The following ADCY6 variants were observed in gnomAD, a reference collection of about 807,000 sequenced individuals.
ADCY6 encodes the protein adenylate cyclase 6, also known as adenylate cyclase type 6.
ADCY6 carries 59 observed loss-of-function variants against 111.6 expected under a neutral mutation model. That is an observed-to-expected ratio of 0.53 (90% CI 0.43 to 0.66). The LOEUF is 0.66. Ranked by LOEUF, ADCY6 falls within the 30% of genes least tolerant of loss-of-function variation. ADCY6 has a pLI of 0.00. For missense variants in ADCY6, 1,242 were observed against 1,595.6 expected, an observed-to-expected ratio of 0.78 and a Z score of 3.78; for synonymous variants, 576 against 642.9, an observed-to-expected ratio of 0.90 and a Z score of 1.57.
upstream of ADCY6, chr12:48,789,461 C>T (rs1286236305): frequency 4.6e-5 from 7 of 152,170 alleles, no homozygotes; most frequent in Non-Finnish European, 1.0e-4. Context: ...CAAACCCACC[C>T]CTCACGGCTA....
chr12:48,783,195 C>T lies in ADCY6; in HGVS notation c.240G>A (p.Lys80=). The T allele has an allele frequency of 6.2e-7, 1 of 1,607,072 alleles. No individual in the cohort carries two copies. Among genetic ancestry groups the T allele is most frequent in the Non-Finnish European group, 8.5e-7 (1 of 1,179,694 alleles). The part of the protein sequence containing the change: ...FIRRGGPGKG[K]ELGLRAVALG... ...GGGCCACTGCCCGCAGCCCCAGCTC[C>T]TTGCCCTTGCCTGGGCCGCCCCTCC... The change falls in exon 2 of 22, where the codon AAG becomes AAA. Residue 80 remains lysine (K), a synonymous_variant. Transcript: ENST00000357869.
intron 2 of ADCY6, among the ~76,000 whole-genome samples, chr12:48,780,035 A>G (rs995233303): frequency 1.3e-5 from 2 of 152,044 alleles, no homozygotes; most frequent in Non-Finnish European, 2.9e-5. Flanking sequence ...GGGGCACACT[A>G]TCTCCCTTGG....
rs1433694377 is a variant in ADCY6, at chr12:48,778,110, G to A, written c.1012C>T (p.Gln338Ter). 6.2e-7 allele frequency: 1 copy of A among 1,607,592 alleles called. No homozygotes were observed. The highest frequency in any genetic ancestry group is 1.1e-5 in the South Asian group (1 of 90,170). ...RLHLQHENRQQERLLLSVLPQ... is the reference protein window; with the variant it reads ...RLHLQHENRQ ...CTGGTCACGGGGAGCAGCCCCACCT[G>A]CTGCCGATTCTCATGCTGCAGGTGG... The change falls in exon 3 of 22, where the codon CAG becomes TAG. Residue 338 changes from glutamine to a stop codon, truncating the protein, a stop_gained and splice_region_variant. Transcript: ENST00000357869. LOFTEE classifies it high-confidence loss of function.
At chr12:48,787,661 C>T (rs1271001702) in intron 1 of ADCY6, among the ~76,000 whole-genome samples, 3 of 152,230 alleles carry the variant, frequency 2.0e-5, no homozygotes, top group Non-Finnish European at 4.4e-5. Context: ...GGAGCACAGA[C>T]CACCTCCCTC....
intron 12 of ADCY6, 41 bp downstream of exon 12, chr12:48,774,913 AGTG>A (rs1941653197): frequency 1.3e-6 from 2 of 1,530,844 alleles, no homozygotes; most frequent in Admixed American, 2.0e-5. Context: ...GCTTCTGGGA[AGTG>A]GTGAAGAGAG....
At chr12:48,770,745 C>A in intron 20 of ADCY6, 21 bp downstream of exon 20, 1 of 1,609,404 alleles carries the variant, frequency 6.2e-7, no homozygotes, top group Non-Finnish European at 8.5e-7. Flanking sequence ...GAAAACCCGC[C>A]AAGCAACAAA....
At position 48,789,047 on chromosome 12, in the gene ADCY6, C is replaced by G. The variant is rs1425782436; in HGVS notation, c.-146G>C. The G allele has an allele frequency of 6.7e-6, 1 of 149,908 alleles. No individual in the cohort carries two copies. Among genetic ancestry groups the G allele is most frequent in the African/African-American group, 2.5e-5 (1 of 40,442 alleles). The allele number at this position is 149,908 out of a possible 1,614,324, so 9.3% of individuals were successfully genotyped here. A position where few individuals can be genotyped will look rare whatever the true frequency, so the allele number is the denominator to read the frequency against. ...CGCCGTCCGCCGTCCGCCGTCCGCCCGGCCCTCGCCCCCTCCCGAGCTGTC... is the reference window on the plus strand; with the variant it reads ...CGCCGTCCGCCGTCCGCCGTCCGCCGGGCCCTCGCCCCCTCCCGAGCTGTC... On this transcript the variant is annotated 5_prime_UTR_variant, in exon 1 of 22. Transcript: ENST00000357869.
chr12:48,783,295 A>G lies in ADCY6; in HGVS notation c.140T>C (p.Leu47Pro), dbSNP rs1565651834. 2 of 1,613,014 alleles carry G rather than the reference A, an allele frequency of 1.2e-6. No individual in the cohort carries two copies. The highest frequency in any genetic ancestry group is 3.3e-5 in the Admixed American group (2 of 59,946). ...GGGGCTGGGTGGCTCTGCATCCCGGAGGCAGCTCATATAGCGGGGCGTGCA... is the reference window on the plus strand; with the variant it reads ...GGGGCTGGGTGGCTCTGCATCCCGGGGGCAGCTCATATAGCGGGGCGTGCA... The part of the protein sequence containing the change: ...GFCTPRYMSC[L>P]RDAEPPSPTP... Residue 47 changes from leucine to proline, a missense_variant, in exon 2 of 22, where the codon CTC (leucine) becomes CCC (proline). Around this residue, in one of 4 missense-constraint regions of ADCY6, gnomAD observed 362 missense variants for 377.2 expected, o/e 0.96. Transcript: ENST00000357869.
At chr12:48,775,819 G>C in intron 9 of ADCY6, 121 bp from the exon 10 acceptor site, 1 of 1,510,388 alleles carries the variant, frequency 6.6e-7, no homozygotes, top group South Asian at 1.2e-5. Flanking sequence ...GGGGGCACTG[G>C]GACCCGAGAT....
Position 48,771,084 on chromosome 12 carries a change from GC to G in ADCY6, c.3052-115del, listed in dbSNP as rs1385961344. On this transcript the variant is annotated intron_variant, in intron 19 of 21. Coordinates refer to ENST00000357869, the MANE Select transcript of ADCY6 (RefSeq NM_015270.5). This position sits in a 1 kb window ranked among gnomAD's most constrained non-coding sequence, Gnocchi z 4.3. ...CCTTCCCCACTTCCCTGTCTCAAGA[GC>G]CCCCTTCCAGCTGCTGCTATCAGTG... The G allele has an allele frequency of 1.3e-5, 14 of 1,047,862 alleles. No homozygotes were observed. The highest frequency in any genetic ancestry group is 1.9e-5 in the Non-Finnish European group (14 of 718,206). 64.9% of individuals were successfully genotyped at this position (1,047,862 alleles called of 1,614,324 possible).
chr12:48,776,689 C>T lies in ADCY6; in HGVS notation c.1377-103G>A. 1 of 1,424,362 alleles carries T rather than the reference C, an allele frequency of 7.0e-7. No individual in the cohort carries two copies. The highest frequency in any genetic ancestry group is 1.4e-5 in the African/African-American group (1 of 70,472). The allele number at this position is 1,424,362 out of a possible 1,614,324, so 88.2% of individuals were successfully genotyped here. On this transcript the variant is annotated intron_variant, in intron 6 of 21. Transcript: ENST00000357869. This position sits in a 1 kb window ranked among gnomAD's most constrained non-coding sequence, Gnocchi z 6.1. ...TCAGGGCCCAGCGGGCAAGGACAGA[C>T]CCAGATGCAGGGGACGGGAGCACAG...
Position 48,771,463 on chromosome 12 carries a change from C to A in ADCY6, c.3051+247G>T. 1.6e-6 allele frequency: 1 copy of A among 628,524 alleles called. No individual in the cohort carries two copies. Among genetic ancestry groups the A allele is most frequent in the South Asian group, 1.8e-5 (1 of 55,714 alleles). The allele number at this position is 628,524 out of a possible 1,614,324, so 38.9% of individuals were successfully genotyped here. ...ACATCCACCTGGTACCTATCCTATC[C>A]CCCTACAGATCAAGTCCTCCCCTGC... On this transcript the variant is annotated intron_variant, in intron 19 of 21. Transcript: ENST00000357869. The surrounding 1 kb of genome is among the most constrained non-coding windows in gnomAD (Gnocchi z 4.3).
chr12:48,772,563 G>C lies in ADCY6; in HGVS notation c.2622-20C>G, dbSNP rs761371001. The C allele has an allele frequency of 6.2e-7, 1 of 1,614,146 alleles. No individual in the cohort carries two copies. Among genetic ancestry groups the C allele is most frequent in the South Asian group, 1.1e-5 (1 of 91,060 alleles). ...GAAGCCCTGGTAAGAAGATAGAAGAGACAAAGTCATCAGTGCTTCCTGGAT... is the reference window on the plus strand; with the variant it reads ...GAAGCCCTGGTAAGAAGATAGAAGACACAAAGTCATCAGTGCTTCCTGGAT... On this transcript the variant is annotated intron_variant, in intron 16 of 21. Transcript: ENST00000357869.
rs759173903 is a variant in ADCY6 at position 48,778,228 on chromosome 12, G to A, written c.894C>T (p.Cys298=). The A allele has an allele frequency of 1.9e-6, 3 of 1,614,166 alleles. No individual in the cohort carries two copies. Among genetic ancestry groups the A allele is most frequent in the Non-Finnish European group, 2.5e-6 (3 of 1,180,024 alleles). Residue 298 remains cysteine, a synonymous_variant, in exon 3 of 22, where the codon TGC becomes TGT. Transcript: ENST00000357869. ...QLGANVLLFL[C]TNVIGICTHY... is the part of the protein sequence containing the mutation. The stretch of plus-strand genomic sequence containing the variant: ...GTGTGCAGATGCCAATGACGTTGGT[G>A]CAGAGGAACAGCAGCACATTGGCAC...
rs1180184018 is a variant in ADCY6, at chr12:48,767,015, G to T, written c.*1576C>A. 1 of 152,356 alleles carries T rather than the reference G, an allele frequency of 6.6e-6. No individual in the cohort carries two copies. The highest frequency in any genetic ancestry group is 1.5e-5 in the Non-Finnish European group (1 of 68,050). 9.4% of individuals were successfully genotyped at this position (152,356 alleles called of 1,614,324 possible). On this transcript the variant is annotated 3_prime_UTR_variant, in exon 22 of 22. Transcript: ENST00000357869. Reference sequence around the variant, plus strand: ...CCTCAAGGCTTCACAAGGGACTGGGGAGCTAGAAACATGCTAGACTCAGGC... The same window carrying T: ...CCTCAAGGCTTCACAAGGGACTGGGTAGCTAGAAACATGCTAGACTCAGGC...
Position 48,771,654 on chromosome 12 carries a change from C to T in ADCY6, c.3051+56G>A, listed in dbSNP as rs752925722. Reference sequence around the variant, plus strand: ...CCCAGTTCCACTCACCCATTCCAATCCCTGGTCTCCAAGTACCCCCCACTC... The same window carrying T: ...CCCAGTTCCACTCACCCATTCCAATTCCTGGTCTCCAAGTACCCCCCACTC... On this transcript the variant is annotated intron_variant, in intron 19 of 21. Transcript: ENST00000357869. This position sits in a 1 kb window ranked among gnomAD's most constrained non-coding sequence, Gnocchi z 4.3. The T allele has an allele frequency of 5.0e-6, 8 of 1,609,020 alleles. No homozygotes were observed. Among genetic ancestry groups the T allele is most frequent in the South Asian group, 4.4e-5 (4 of 90,896 alleles).
Position 48,782,701 on chromosome 12 carries a change from A to G in ADCY6, c.734T>C (p.Phe245Ser), listed in dbSNP as rs764304687. 1 of 1,592,846 alleles carries G rather than the reference A, an allele frequency of 6.3e-7. No homozygotes were observed. The highest frequency in any genetic ancestry group is 1.1e-5 in the South Asian group (1 of 88,898). Residue 245 changes from phenylalanine (F) to serine (S), a missense_variant, in exon 2 of 22, where the codon TTT becomes TCT. By Grantham distance (155) the Phe-to-Ser change is radical. Transcript: ENST00000357869. This position sits in a 1 kb window ranked among gnomAD's most constrained non-coding sequence, Gnocchi z 4.3. ...GAGGAGCGTGTAGGCGATGTAGACA[A>G]AGAACACAGGGCACCAGAGGCCCGC... Reference protein sequence around the residue: ...PSAGLWCPVFFVYIAYTLLPI... With the variant: ...PSAGLWCPVFSVYIAYTLLPI...
At chr12:48,769,763 T>G (rs866883109) in intron 20 of ADCY6, among the ~76,000 whole-genome samples, 63 of 149,646 alleles carry the variant, frequency 4.2e-4, no homozygotes, top group Non-Finnish European at 7.3e-4. Flanking sequence ...ATTTTTGTTT[T>G]TTTTTTTTTT....
At position 48,771,449 on chromosome 12, in the gene ADCY6, G is replaced by C; in HGVS notation, c.3051+261C>G. On this transcript the variant is annotated intron_variant, in intron 19 of 21. Coordinates refer to ENST00000357869, the MANE Select transcript of ADCY6 (RefSeq NM_015270.5). The surrounding 1 kb of genome is among the most constrained non-coding windows in gnomAD (Gnocchi z 4.3). Reference sequence around the variant, plus strand: ...CTTCTTCTTCAGTGACATCCACCTGGTACCTATCCTATCCCCCTACAGATC... The same window carrying C: ...CTTCTTCTTCAGTGACATCCACCTGCTACCTATCCTATCCCCCTACAGATC... The C allele has an allele frequency of 1.7e-6, 1 of 599,508 alleles. No homozygotes were observed. Among genetic ancestry groups the C allele is most frequent in the Non-Finnish European group, 3.0e-6 (1 of 332,122 alleles). 37.1% of individuals were successfully genotyped at this position (599,508 alleles called of 1,614,324 possible).
Sources: allele counts gnomAD v4.1 joint callset (sites outside exome capture counted in the v4.1 genomes callset), GRCh38; gene constraint gnomAD v4.1.1; regional missense constraint gnomAD v4.1.1; non-coding constraint Gnocchi (gnomAD v3.1); transcripts MANE v1.5; gene names NCBI Gene and HGNC (gene_info 2026-07-23, HGNC 2026-07-21).